CDHR3: variants seen among roughly 807,000 people sequenced by gnomAD.
CDHR3 encodes the protein cadherin related family member 3.
In CDHR3, 79 loss-of-function variants were observed where a neutral mutation model predicts 86.6. That is an observed-to-expected ratio of 0.91 (90% CI 0.76 to 1.10). The LOEUF is 1.10. Among genes scored for constraint, CDHR3 ranks in the 50% least tolerant of loss-of-function variants. CDHR3 has a pLI of 0.00. For synonymous variants in CDHR3, 421 were observed against 402.4 expected, an observed-to-expected ratio of 1.05 and a Z score of -0.55; for missense variants, 1,081 against 1,077.6, an observed-to-expected ratio of 1.00 and a Z score of -0.04.
chr7:106,021,799 T>C (rs562755642), intron 13 of CDHR3, among the ~76,000 whole-genome samples: 1 of 152,348 alleles, frequency 6.6e-6, no homozygotes, highest in African/African-American at 2.4e-5. Context: ...TTCTACCCTC[T>C]TGAAACCCAC....
At chr7:106,014,543 GC>G (rs1263350042) in intron 9 of CDHR3, among the ~76,000 whole-genome samples, 1 of 152,136 alleles carries the variant, frequency 6.6e-6, no homozygotes, top group Non-Finnish European at 1.5e-5. Flanking sequence ...ATCATTTGAG[GC>G]CACGAGTTTG....
At chr7:106,020,055 G>T (rs1178596879) in intron 12 of CDHR3, among the ~76,000 whole-genome samples, 2 of 152,070 alleles carry the variant, frequency 1.3e-5, no homozygotes, top group Non-Finnish European at 2.9e-5. Flanking sequence ...GTGTGGGGGG[G>T]GGGCAAGGTA....
intron 3 of CDHR3, 50 bp downstream of exon 3, chr7:105,981,183 G>GAAACAGAT: frequency 6.5e-7 from 1 of 1,550,200 alleles, no homozygotes; most frequent in Non-Finnish European, 8.8e-7. Flanking sequence ...GCATCAGGGA[G>GAAACAGAT]GGCCCTGGGG....
chr7:105,998,353 A>G (rs1563264323), intron 6 of CDHR3, among the ~76,000 whole-genome samples: 1 of 152,260 alleles, frequency 6.6e-6, no homozygotes, highest in Non-Finnish European at 1.5e-5. Flanking sequence ...GCATGCAATT[A>G]ACACAACCAA....
rs1035899921 is a variant in CDHR3, at chr7:106,035,167, A to G, written c.*2470A>G. Among the ~76,000 whole-genome samples the G allele has an allele frequency of 6.6e-6, 1 of 152,106 alleles. No homozygotes were observed. The highest frequency in any genetic ancestry group is 2.4e-5 in the African/African-American group (1 of 41,440). On this transcript the variant is annotated 3_prime_UTR_variant, in exon 19 of 19. Transcript: ENST00000317716. ...TCCAGTGATGACAGGGCAAGAGGGA[A>G]TTGTGCTTAATGGCCAGAGAAGAGA...
In CDHR3 at chr7:106,034,206, A is replaced by G. The variant is rs1474192718; in HGVS notation, c.*1509A>G. On this transcript the variant is annotated 3_prime_UTR_variant, in exon 19 of 19. Coordinates refer to ENST00000317716, the MANE Select transcript of CDHR3 (RefSeq NM_152750.5). ...TGGGAATAAATGGTATTATGATGGAATAGGAAATGTAACTTTCCAATGTGT... is the reference window on the plus strand; with the variant it reads ...TGGGAATAAATGGTATTATGATGGAGTAGGAAATGTAACTTTCCAATGTGT... 6.6e-6 allele frequency among the ~76,000 whole-genome samples: 1 copy of G among 152,244 alleles called. No individual in the cohort carries two copies. The highest frequency in any genetic ancestry group is 2.4e-5 in the African/African-American group (1 of 41,456).
intron 13 of CDHR3, 50 bp downstream of exon 13, chr7:106,020,594 A>C (rs1836415764): frequency 1.3e-6 from 2 of 1,577,316 alleles, no homozygotes; most frequent in East Asian, 4.5e-5. Context: ...AGGACCCTGA[A>C]GTTGTCTAGG....
In CDHR3 at chr7:105,996,302, G is replaced by A. The variant is rs1832203522; in HGVS notation, c.661G>A (p.Glu221Lys). The change falls in exon 6 of 19, where the codon GAG (glutamate) becomes AAG (lysine). Residue 221 changes from glutamate to lysine, a missense_variant. By Grantham distance (56) the Glu-to-Lys change is moderately conservative. Coordinates refer to ENST00000317716, the MANE Select transcript of CDHR3 (RefSeq NM_152750.5). Reference sequence around the variant, plus strand: ...CAGTGGAGGCCTCAAAGCCTCCACAGAGCTCCAGGTGAACATCGTGAACCT... The same window carrying A: ...CAGTGGAGGCCTCAAAGCCTCCACAAAGCTCCAGGTGAACATCGTGAACCT... ...RDSGGLKASTELQVNIVNLND... is the reference protein window; with the variant it reads ...RDSGGLKASTKLQVNIVNLND... 2 of 1,601,236 alleles carry A rather than the reference G, an allele frequency of 1.2e-6. No homozygotes were observed. The highest frequency in any genetic ancestry group is 1.1e-5 in the South Asian group (1 of 90,450).
At chr7:106,002,322 G>A (rs958652914) in intron 7 of CDHR3, among the ~76,000 whole-genome samples, 2 of 152,314 alleles carry the variant, frequency 1.3e-5, no homozygotes, top group Middle Eastern at 3.4e-3. Context: ...AAGAAACAGG[G>A]AAACCCATGT....
At chr7:106,010,465 A>C (rs1235731489) in intron 8 of CDHR3, among the ~76,000 whole-genome samples, 1 of 152,218 alleles carries the variant, frequency 6.6e-6, no homozygotes, top group Non-Finnish European at 1.5e-5. Context: ...TTGTGCAATC[A>C]AGGCAGGAAT....
At chr7:106,028,091 T>C (rs1193158683) in intron 16 of CDHR3, among the ~76,000 whole-genome samples, 1 of 150,928 alleles carries the variant, frequency 6.6e-6, no homozygotes, top group Non-Finnish European at 1.5e-5. Context: ...CACTCTAGCC[T>C]GGACGACAAG....
rs936705977 is a variant in CDHR3, at chr7:106,026,621, T to C, written c.2259-61T>C. ...TTGCCCAAAGAACCCCATGGTGTCATGTGTGTGCCAGTGCAGCATACTTTC... is the reference window on the plus strand; with the variant it reads ...TTGCCCAAAGAACCCCATGGTGTCACGTGTGTGCCAGTGCAGCATACTTTC... On this transcript the variant is annotated intron_variant, in intron 15 of 18. Coordinates refer to ENST00000317716, the MANE Select transcript of CDHR3 (RefSeq NM_152750.5). The C allele has an allele frequency of 1.0e-5, 16 of 1,575,194 alleles. No homozygotes were observed. In the African/African-American group the frequency reaches 1.6e-4, roughly 16 times the overall value.
chr7:105,993,780 G>A (rs1215922407), intron 4 of CDHR3, among the ~76,000 whole-genome samples: 1 of 151,510 alleles, frequency 6.6e-6, no homozygotes, highest in Non-Finnish European at 1.5e-5. Context: ...ACTCCATTGT[G>A]GAAGAAACAG....
chr7:105,969,481 G>C (rs1191366545), intron 1 of CDHR3, among the ~76,000 whole-genome samples: 2 of 151,942 alleles, frequency 1.3e-5, no homozygotes, highest in African/African-American at 2.4e-5. Context: ...GCTTGTAAGC[G>C]TTGTTTATTG....
intron 10 of CDHR3, 71 bp downstream of exon 10, chr7:106,015,284 A>AC: frequency 3.0e-6 from 4 of 1,349,190 alleles, no homozygotes; most frequent in Non-Finnish European, 4.1e-6. Flanking sequence ...GCTGGGCAAT[A>AC]CTAGGTATTG....
Position 106,024,427 on chromosome 7 carries a change from C to G in CDHR3, c.2123C>G (p.Ser708Cys), listed in dbSNP as rs376151253. ...QVLRKNVYSP[S>C]AWYVPFVITL... ...CTGAGGAAAAACGTTTACTCTCCAT[C>G]TGCATGGTACGTGCCGTTTGTCATC... is the stretch of plus-strand genomic sequence containing the variant. Residue 708 changes from serine to cysteine, a missense_variant, in exon 15 of 19, where the codon TCT becomes TGT. Physicochemically the swap from Ser to Cys is moderately radical, Grantham distance 112 (BLOSUM62 -1). Transcript: ENST00000317716. 8.1e-6 allele frequency: 13 copies of G among 1,614,072 alleles called. No homozygotes were observed. Among genetic ancestry groups the G allele is most frequent in the Non-Finnish European group, 1.1e-5 (13 of 1,179,904 alleles).
intron 6 of CDHR3, among the ~76,000 whole-genome samples, chr7:106,000,625 A>G (rs2115783407): frequency 6.6e-6 from 1 of 152,312 alleles, no homozygotes; most frequent in African/African-American, 2.4e-5. Context: ...GTTGTTTTAA[A>G]CAATAAGCCT....
intron 5 of CDHR3, among the ~76,000 whole-genome samples, 169 bp from the exon 6 acceptor site, chr7:105,996,081 G>A (rs1205764172): frequency 1.3e-5 from 2 of 152,140 alleles, no homozygotes; most frequent in Non-Finnish European, 2.9e-5. Context: ...GGAGACGGGG[G>A]GAGAAAGGTC....
At chr7:106,028,917 T>C (rs1837798213) in intron 17 of CDHR3, among the ~76,000 whole-genome samples, 1 of 27,882 alleles carries the variant, frequency 3.6e-5, no homozygotes, top group Admixed American at 3.6e-4. Flanking sequence ...AGATTTAAAT[T>C]TTCTTTCTTT....
Sources: allele counts gnomAD v4.1 joint callset (sites outside exome capture counted in the v4.1 genomes callset), GRCh38; gene constraint gnomAD v4.1.1; transcripts MANE v1.5; gene names NCBI Gene and HGNC (gene_info 2026-07-23, HGNC 2026-07-21).